The following ATP8A2 variants were observed in gnomAD, a reference collection of about 807,000 sequenced individuals.
The protein encoded by ATP8A2 is ATPase phospholipid transporting 8A2.
A neutral mutation model predicts 165.6 loss-of-function variants in ATP8A2; 100 were observed. The observed-to-expected ratio is 0.60, with a 90% CI of 0.51 to 0.71. The LOEUF is 0.71. Ranked by LOEUF, ATP8A2 falls within the 30% of genes least tolerant of loss-of-function variation. The probability of loss-of-function intolerance (pLI) is 0.00; values close to 1 mark genes in which losing one functional copy is unlikely to be tolerated. For synonymous variants in ATP8A2, 543 were observed against 548.8 expected, an observed-to-expected ratio of 0.99 and a Z score of 0.15; for missense variants, 1,227 against 1,479.5, an observed-to-expected ratio of 0.83 and a Z score of 2.80.
chr13:25,721,254 A>G (rs1183035066), intron 25 of ATP8A2, among the ~76,000 whole-genome samples: 1 of 151,882 alleles, frequency 6.6e-6, no homozygotes, highest in African/African-American at 2.4e-5. Flanking sequence ...TCCATATACT[A>G]AATAACTCAG....
At chr13:25,873,579 A>G (rs1436810897) in intron 33 of ATP8A2, among the ~76,000 whole-genome samples, 1 of 151,588 alleles carries the variant, frequency 6.6e-6, no homozygotes, top group Non-Finnish European at 1.5e-5. Flanking sequence ...TTTGAGTTTC[A>G]GTCCTCTCCC....
intron 1 of ATP8A2, among the ~76,000 whole-genome samples, chr13:25,452,856 A>T (rs151296341): frequency 6.6e-6 from 1 of 152,178 alleles, no homozygotes; most frequent in East Asian, 2.0e-4. Flanking sequence ...GCACTTTGGG[A>T]GGCTGAGGCA....
chr13:25,445,061 G>A (rs1195993909), intron 1 of ATP8A2, among the ~76,000 whole-genome samples: 1 of 152,156 alleles, frequency 6.6e-6, no homozygotes, highest in Non-Finnish European at 1.5e-5. Flanking sequence ...TATTTTGGAT[G>A]CAAGCATCAG....
intron 2 of ATP8A2, among the ~76,000 whole-genome samples, chr13:25,504,567 C>A (rs9581361): frequency 1.2e-4 from 18 of 147,068 alleles, no homozygotes; most frequent in African/African-American, 4.3e-4. Flanking sequence ...GGTGAAACCC[C>A]GTCTCTACTA....
At chr13:25,966,029 G>GAAAAAA (rs61635155) in intron 34 of ATP8A2, among the ~76,000 whole-genome samples, 2 of 133,544 alleles carry the variant, frequency 1.5e-5, no homozygotes, top group African/African-American at 5.6e-5. Flanking sequence ...AAGAGTTTCA[G>GAAAAAA]AAAAAAAAAA....
rs1467769383 is a variant in ATP8A2, at chr13:25,995,958, AC to A, written c.3378-16572del. 3.9e-5 allele frequency among the ~76,000 whole-genome samples: 6 copies of A among 152,174 alleles called. No individual in the cohort carries two copies. In the East Asian group the frequency reaches 7.7e-4, roughly 20 times the overall value. ...GCTTCACATATTTTGCAGCTCTGTT[AC>A]TTGGTGCATAGACATTCAGGATTGC... On this transcript the variant is annotated intron_variant, in intron 35 of 36. Coordinates refer to ENST00000381655, the MANE Select transcript of ATP8A2 (RefSeq NM_016529.6).
At chr13:25,916,662 A>G (rs987040846) in intron 33 of ATP8A2, among the ~76,000 whole-genome samples, 1 of 152,298 alleles carries the variant, frequency 6.6e-6, no homozygotes, top group Non-Finnish European at 1.5e-5. Flanking sequence ...TTGTTTCCAA[A>G]TGAGGAAATC....
intron 35 of ATP8A2, among the ~76,000 whole-genome samples, chr13:25,997,518 G>C (rs1414624355): frequency 1.3e-5 from 2 of 152,104 alleles, no homozygotes; most frequent in African/African-American, 4.8e-5. Flanking sequence ...TGCTCTTTTA[G>C]CCCTGCCGTA....
At chr13:25,688,411 GAAGAT>G (rs3053448) in intron 24 of ATP8A2, among the ~76,000 whole-genome samples, 73,988 of 151,402 alleles carry the variant, frequency 0.49, 18,828 homozygotes, top group Middle Eastern at 0.57. Context: ...GTGTCAGGGA[GAAGAT>G]AAGACTTCTT....
intron 1 of ATP8A2, among the ~76,000 whole-genome samples, chr13:25,431,504 G>GT (rs1180258408): frequency 2.0e-5 from 3 of 151,896 alleles, no homozygotes; most frequent in Non-Finnish European, 4.4e-5. Context: ...TTCGGCGGCG[G>GT]GGGGGGAATC....
intron 33 of ATP8A2, among the ~76,000 whole-genome samples, chr13:25,887,587 C>T (rs1356669764): frequency 6.6e-6 from 1 of 152,166 alleles, no homozygotes; most frequent in Non-Finnish European, 1.5e-5. Context: ...CTTCCCGCCT[C>T]GGCCTCCCAA....
chr13:25,980,699 A>C (rs1461478755), intron 35 of ATP8A2, among the ~76,000 whole-genome samples: 2 of 152,122 alleles, frequency 1.3e-5, no homozygotes, highest in Non-Finnish European at 2.9e-5. Context: ...CCCATTCTCA[A>C]AGTTAAAAAT....
intron 35 of ATP8A2, among the ~76,000 whole-genome samples, chr13:26,006,186 GT>G (rs1479571891): frequency 6.6e-6 from 1 of 151,936 alleles, no homozygotes; most frequent in African/African-American, 2.4e-5. Flanking sequence ...TGTCTTTAAT[GT>G]TTTCAGAAGT....
At chr13:25,987,623 A>G (rs1030595310) in intron 35 of ATP8A2, among the ~76,000 whole-genome samples, 1 of 152,214 alleles carries the variant, frequency 6.6e-6, no homozygotes, top group African/African-American at 2.4e-5. Context: ...CCCAGAGAGG[A>G]TCCAAGATGT....
intron 1 of ATP8A2, among the ~76,000 whole-genome samples, chr13:25,440,959 A>G (rs1182263063): frequency 3.3e-5 from 5 of 152,244 alleles, no homozygotes; most frequent in African/African-American, 1.2e-4. Flanking sequence ...ATATGTAGAT[A>G]GCAGGAAATC....
intron 2 of ATP8A2, among the ~76,000 whole-genome samples, 166 bp downstream of exon 2, chr13:25,469,287 C>A (rs1236338920): frequency 6.6e-6 from 1 of 151,968 alleles, no homozygotes; most frequent in African/African-American, 2.4e-5. Context: ...TGCAGCCCCG[C>A]GCTTCCAGTA....
At chr13:25,865,617 T>G (rs1301535743) in intron 33 of ATP8A2, among the ~76,000 whole-genome samples, 3 of 152,210 alleles carry the variant, frequency 2.0e-5, no homozygotes, top group African/African-American at 7.2e-5. Context: ...AAGGAAGGGC[T>G]ATAGAATTGA....
chr13:25,931,315 C>G (rs527555657), intron 33 of ATP8A2, among the ~76,000 whole-genome samples: 1 of 152,190 alleles, frequency 6.6e-6, no homozygotes, highest in African/African-American at 2.4e-5. Context: ...GTCCTATCTC[C>G]AGGATACCTC....
chr13:25,558,360 T>C (rs2039044053), intron 13 of ATP8A2, among the ~76,000 whole-genome samples: 1 of 151,614 alleles, frequency 6.6e-6, no homozygotes, highest in African/African-American at 2.4e-5. Context: ...GTATTATATG[T>C]AGATGTAGTA....
Sources: gnomAD v4.1 joint callset for allele counts (sites outside exome capture counted in the v4.1 genomes callset) on GRCh38, gnomAD v4.1.1 for gene constraint, MANE v1.5 for transcripts, NCBI Gene and HGNC (gene_info 2026-07-23, HGNC 2026-07-21) for gene names.